Variants in SMAD4 observed in about 807,000 individuals in gnomAD.
SMAD4 encodes SMAD family member 4.
In SMAD4, 7 loss-of-function variants were observed where a neutral mutation model predicts 63.2. The ratio of observed to expected loss-of-function variants is 0.11; its 90% CI spans 0.06 to 0.21. The LOEUF is 0.21. Among genes scored for constraint, SMAD4 ranks in the 10% least tolerant of loss-of-function variants. The pLI, the probability that SMAD4 is intolerant of heterozygous loss-of-function variation, is 1.00. For missense variants in SMAD4, 312 were observed against 693.8 expected (o/e 0.45, Z 6.18); for synonymous variants, 215 against 235.4 (o/e 0.91, Z 0.79).
At chr18:51,074,677 T>G (rs893842619) in intron 10 of SMAD4, among the ~76,000 whole-genome samples, 2 of 152,198 alleles carry the variant, frequency 1.3e-5, no homozygotes, top group Non-Finnish European at 2.9e-5. Context: ...GTTTATTAAT[T>G]TACTTCTTTA....
At chr18:51,073,388 T>TATACACACACACACAC (rs1417299090) in intron 10 of SMAD4, among the ~76,000 whole-genome samples, 1 of 64,160 alleles carries the variant, frequency 1.6e-5, no homozygotes, top group Non-Finnish European at 2.7e-5. Flanking sequence ...TATATATATA[T>TATACACACACACACAC]ACACACACAC....
chr18:51,051,190 G>T, intron 4 of SMAD4: 1 of 310,876 alleles, frequency 3.2e-6, no homozygotes, highest in Non-Finnish European at 6.3e-6. Flanking sequence ...AATTCTGAGT[G>T]CTCATCACAC....
At chr18:51,064,308 G>A (rs1317670724) in intron 8 of SMAD4, among the ~76,000 whole-genome samples, 1 of 152,164 alleles carries the variant, frequency 6.6e-6, no homozygotes, top group African/African-American at 2.4e-5. Flanking sequence ...CTTTTCAGAT[G>A]GGATGTCCCC....
intron 1 of SMAD4, among the ~76,000 whole-genome samples, chr18:51,046,673 C>G (rs1909552846): frequency 6.6e-6 from 1 of 151,842 alleles, no homozygotes; most frequent in Non-Finnish European, 1.5e-5. Flanking sequence ...ATGAGAAGAC[C>G]TAACTTTAAT....
At chr18:51,054,060 T>C (rs1344685223) in intron 4 of SMAD4, 3 of 152,376 alleles carry the variant, frequency 2.0e-5, no homozygotes, top group Admixed American at 2.0e-4. Context: ...TGTTATGCTG[T>C]ATCAGCTGGA....
In SMAD4 at chr18:51,054,806, T is replaced by C. The variant is rs1599186813; in HGVS notation, c.480T>C (p.Asp160=). 1.2e-6 allele frequency: 2 copies of C among 1,613,400 alleles called. No homozygotes were observed. Among genetic ancestry groups the C allele is most frequent in the Non-Finnish European group, 1.7e-6 (2 of 1,179,278 alleles). The part of the protein sequence containing the change: ...SNAPSSMMVK[D]EYVHDFEGQP... ...CTCCATCAAGTATGATGGTGAAGGA[T>C]GAATATGTGCATGACTTTGAGGGAC... Residue 160 remains aspartate (D), a synonymous_variant, in exon 5 of 12, where the codon GAT becomes GAC. Coordinates refer to ENST00000342988, the MANE Select transcript of SMAD4 (RefSeq NM_005359.6).
chr18:51,074,580 A>G (rs1910422702), intron 10 of SMAD4, among the ~76,000 whole-genome samples: 1 of 152,168 alleles, frequency 6.6e-6, no homozygotes, highest in Non-Finnish European at 1.5e-5. Flanking sequence ...GGATGTTGAT[A>G]GTGGCGGAAG....
At chr18:51,057,355 C>T (rs1292143767) in intron 5 of SMAD4, among the ~76,000 whole-genome samples, 1 of 151,962 alleles carries the variant, frequency 6.6e-6, no homozygotes, top group African/African-American at 2.4e-5. Context: ...GGACAGTAAG[C>T]AATATCATAG....
Position 51,076,780 on chromosome 18 carries a change from A to T in SMAD4, c.1447+4A>T, listed in dbSNP as rs778631062. On this transcript the variant is annotated splice_donor_region_variant and intron_variant, in intron 11 of 11. Coordinates refer to ENST00000342988, the MANE Select transcript of SMAD4 (RefSeq NM_005359.6). Reference sequence around the variant, plus strand: ...GGTGGAATAGCTCCAGCTATCAGTAAGTATGCTTTTCATTCTTTTTTAAAG... The same window carrying T: ...GGTGGAATAGCTCCAGCTATCAGTATGTATGCTTTTCATTCTTTTTTAAAG... 3 of 1,597,698 alleles carry T rather than the reference A, an allele frequency of 1.9e-6. No homozygotes were observed. The highest frequency in any genetic ancestry group is 2.6e-6 in the Non-Finnish European group (3 of 1,169,392).
intron 2 of SMAD4, 124 bp downstream of exon 2, chr18:51,047,419 C>G: frequency 2.3e-6 from 2 of 851,994 alleles, no homozygotes; most frequent in African/African-American, 1.7e-5. Context: ...ACTGTGCATC[C>G]TGTACAAATA....
In SMAD4 at chr18:51,049,275, T is replaced by C. The variant is rs2144407390; in HGVS notation, c.425-20T>C. ...TGTAATGATTAATGTTTCATTTGTT[T>C]TCCCCTTTAAACAATTAAGATCTCT... On this transcript the variant is annotated intron_variant, in intron 3 of 11. Coordinates refer to ENST00000342988, the MANE Select transcript of SMAD4 (RefSeq NM_005359.6). 6.5e-7 allele frequency: 1 copy of C among 1,532,704 alleles called. No homozygotes were observed. Among genetic ancestry groups the C allele is most frequent in the Middle Eastern group, 1.8e-4 (1 of 5,658 alleles). The allele number at this position is 1,532,704 out of a possible 1,614,324, so 94.9% of individuals were successfully genotyped here.
At chr18:51,041,438 C>T (rs1909379259) in intron 1 of SMAD4, among the ~76,000 whole-genome samples, 1 of 152,214 alleles carries the variant, frequency 6.6e-6, no homozygotes, top group African/African-American at 2.4e-5. Context: ...TGCATTGGCA[C>T]TGTTGACATT....
chr18:51,062,603 A>G (rs1416396032), intron 8 of SMAD4, among the ~76,000 whole-genome samples: 1 of 151,498 alleles, frequency 6.6e-6, no homozygotes, highest in Non-Finnish European at 1.5e-5. Context: ...GGTTCAAGCC[A>G]TTCTCCTGCC....
At chr18:51,070,727 CT>C (rs1910293981) in intron 10 of SMAD4, among the ~76,000 whole-genome samples, 1 of 152,044 alleles carries the variant, frequency 6.6e-6, no homozygotes, top group African/African-American at 2.4e-5. Flanking sequence ...GATGTAAAAC[CT>C]TTTGCCAGCA....
At chr18:51,058,038 C>A in intron 5 of SMAD4, 87 bp from the exon 6 acceptor site, 1 of 1,476,274 alleles carries the variant, frequency 6.8e-7, no homozygotes, top group Non-Finnish European at 9.5e-7. Flanking sequence ...TGTGCATTAT[C>A]AGATAAAATT....
chr18:51,075,307 C>G (rs1008854825), intron 10 of SMAD4, among the ~76,000 whole-genome samples: 7 of 152,098 alleles, frequency 4.6e-5, no homozygotes, highest in Non-Finnish European at 8.8e-5. Context: ...GGTTTAAGTT[C>G]TAAAACTATT....
Position 51,078,772 on chromosome 18 carries a change from C to T in SMAD4, c.*305C>T, listed in dbSNP as rs988745383. The T allele has an allele frequency of 1.9e-5, 7 of 368,014 alleles. No homozygotes were observed. The highest frequency in any genetic ancestry group is 8.4e-5 in the Admixed American group (2 of 23,682). 22.8% of individuals were successfully genotyped at this position (368,014 alleles called of 1,614,324 possible). On this transcript the variant is annotated 3_prime_UTR_variant, in exon 12 of 12. Transcript: ENST00000342988. ...TGCTAGAAAATTTAGCCCTTTAAAA[C>T]GTCTTAGAGCCTTTTATCTGCAGAA...
intron 8 of SMAD4, among the ~76,000 whole-genome samples, chr18:51,065,050 T>G (rs1910111104): frequency 6.6e-6 from 1 of 152,226 alleles, no homozygotes; most frequent in Admixed American, 6.5e-5. Context: ...AATACCATGG[T>G]AAAATAATTT....
chr18:51,050,065 G>A (rs1010854460), intron 4 of SMAD4, among the ~76,000 whole-genome samples: 1 of 152,018 alleles, frequency 6.6e-6, no homozygotes, highest in Non-Finnish European at 1.5e-5. Flanking sequence ...CTCTTATAAA[G>A]AACCACTGTC....
Sources: allele counts gnomAD v4.1 joint callset (sites outside exome capture counted in the v4.1 genomes callset), GRCh38; gene constraint gnomAD v4.1.1; transcripts MANE v1.5; gene names NCBI Gene and HGNC (gene_info 2026-07-23, HGNC 2026-07-21).